The following TRPS1 variants were observed in gnomAD, a reference collection of about 807,000 sequenced individuals.
The protein encoded by TRPS1 is zinc finger transcription factor Trps1.
A neutral mutation model predicts 101.2 loss-of-function variants in TRPS1; 6 were observed. The observed-to-expected ratio is 0.06, with a 90% CI of 0.03 to 0.12. The LOEUF is 0.12. Among genes scored for constraint, TRPS1 ranks in the 10% least tolerant of loss-of-function variants. TRPS1 has a pLI of 1.00. For missense variants in TRPS1, 1,363 were observed against 1,567.0 expected, an observed-to-expected ratio of 0.87 and a Z score of 2.20; for synonymous variants, 578 against 589.8, an observed-to-expected ratio of 0.98 and a Z score of 0.29.
chr8:115,663,721 GAAAA>G (rs1201864123), intron 1 of TRPS1, among the ~76,000 whole-genome samples: 4 of 76,820 alleles, frequency 5.2e-5, no homozygotes, highest in African/African-American at 1.4e-4. Context: ...CTTGGAAAAG[GAAAA>G]AAAAAAAAAA....
At chr8:115,657,368 C>T (rs1010314511) in intron 1 of TRPS1, among the ~76,000 whole-genome samples, 3 of 152,058 alleles carry the variant, frequency 2.0e-5, no homozygotes, top group East Asian at 1.9e-4. Flanking sequence ...TTCTAGTTTG[C>T]GTTACTCCCT....
At position 115,519,157 on chromosome 8, in the gene TRPS1, G is replaced by A. The variant is rs1359972241; in HGVS notation, c.2700+67844C>T. ...TTATTAACTTATAAGTAGTATTTTC[G>A]TGGACAGTAAATTGGACAAGAAAAA... On this transcript the variant is annotated intron_variant, in intron 5 of 6. Transcript: ENST00000395715. Among the ~76,000 whole-genome samples, 4 of 150,706 alleles carry A rather than the reference G, an allele frequency of 2.7e-5. No homozygotes were observed. The Admixed American group carries it at 2.7e-4, about 10-fold the overall frequency.
intron 5 of TRPS1, among the ~76,000 whole-genome samples, chr8:115,505,031 T>G (rs1161683397): frequency 6.6e-6 from 1 of 152,116 alleles, no homozygotes; most frequent in Non-Finnish European, 1.5e-5. Context: ...GGTAAAAATA[T>G]ATCACATCAA....
intron 5 of TRPS1, among the ~76,000 whole-genome samples, chr8:115,575,489 C>G (rs1441420636): frequency 6.6e-6 from 1 of 152,090 alleles, no homozygotes; most frequent in East Asian, 1.9e-4. Context: ...TTATTTTCTT[C>G]TTTTTGCTTG....
chr8:115,473,138 G>C (rs982288660), intron 5 of TRPS1, among the ~76,000 whole-genome samples: 5 of 152,052 alleles, frequency 3.3e-5, no homozygotes, highest in Admixed American at 6.6e-5. Context: ...TACTGTATTA[G>C]TCCATTCTCA....
At chr8:115,581,124 T>C (rs186131477) in intron 5 of TRPS1, among the ~76,000 whole-genome samples, 1 of 152,252 alleles carries the variant, frequency 6.6e-6, no homozygotes, top group African/African-American at 2.4e-5. Context: ...AGGCGAACGT[T>C]ATTTTAAGTG....
intron 1 of TRPS1, among the ~76,000 whole-genome samples, chr8:115,646,059 T>TTTTGAATAGTA (rs1293073788): frequency 2.6e-5 from 4 of 152,172 alleles, no homozygotes; most frequent in Non-Finnish European, 4.4e-5. Context: ...AGAAATACTA[T>TTTTGAATAGTA]TTTGAATAGT....
intron 5 of TRPS1, among the ~76,000 whole-genome samples, chr8:115,439,730 A>G (rs1243167729): frequency 6.6e-6 from 1 of 152,166 alleles, no homozygotes; most frequent in East Asian, 1.9e-4. Flanking sequence ...CCAGAAATGC[A>G]GTGTTATGAC....
chr8:115,569,885 C>T (rs934992323), intron 5 of TRPS1, among the ~76,000 whole-genome samples: 1 of 151,674 alleles, frequency 6.6e-6, no homozygotes, highest in South Asian at 2.1e-4. Context: ...TAAGTTCAAC[C>T]AAAATTGAAC....
chr8:115,456,943 A>G (rs571562751), intron 5 of TRPS1, among the ~76,000 whole-genome samples: 1 of 152,250 alleles, frequency 6.6e-6, no homozygotes, highest in Non-Finnish European at 1.5e-5. Context: ...AGCTTCCACT[A>G]ATGAGAAAAC....
At chr8:115,658,078 C>A (rs1811714416) in intron 1 of TRPS1, among the ~76,000 whole-genome samples, 1 of 151,996 alleles carries the variant, frequency 6.6e-6, no homozygotes, top group African/African-American at 2.4e-5. Flanking sequence ...CAGAATAAGC[C>A]AGAGGAAGCA....
chr8:115,620,254 C>T (rs1818365189), intron 2 of TRPS1, among the ~76,000 whole-genome samples, 194 bp from the exon 3 acceptor site: 1 of 151,386 alleles, frequency 6.6e-6, no homozygotes, highest in Admixed American at 6.6e-5. Context: ...TTTAGAATTA[C>T]TTTTGTAACC....
chr8:115,619,808 G>A lies in TRPS1; in HGVS notation c.290C>T (p.Ala97Val). ...ACTGGGGCTTTCATAATTGAAGCCA[G>A]CCTTCTCACTCAGAACTGCGCTTTT... ...DLKSAVLSEK[A>V]GFNYESPSKG... The change falls in exon 3 of 7, where the codon GCT becomes GTT. Residue 97 changes from alanine to valine, a missense_variant. Coordinates refer to ENST00000395715, the MANE Select transcript of TRPS1 (RefSeq NM_014112.5). The A allele has an allele frequency of 6.2e-7, 1 of 1,614,216 alleles. No individual in the cohort carries two copies. The highest frequency in any genetic ancestry group is 8.5e-7 in the Non-Finnish European group (1 of 1,180,036).
At chr8:115,519,174 C>T (rs1475600728) in intron 5 of TRPS1, among the ~76,000 whole-genome samples, 1 of 149,966 alleles carries the variant, frequency 6.7e-6, no homozygotes, top group Non-Finnish European at 1.5e-5. Context: ...GTAAATTGGA[C>T]AAGAAAAAAA....
Position 115,410,163 on chromosome 8 carries a change from G to C in TRPS1, c.*3860C>G, listed in dbSNP as rs990225351. ...TGTGATGTTTTGCAGCCACACAACA[G>C]GAGGCTAATAATTATTTTAATAGCC... On this transcript the variant is annotated 3_prime_UTR_variant, in exon 7 of 7. Transcript: ENST00000395715. 1 of 151,962 alleles carries C rather than the reference G, an allele frequency of 6.6e-6. No homozygotes were observed. Among genetic ancestry groups the C allele is most frequent in the Non-Finnish European group, 1.5e-5 (1 of 67,964 alleles). 9.4% of individuals were successfully genotyped at this position (151,962 alleles called of 1,614,324 possible).
At chr8:115,487,565 G>A (rs757659514) in intron 5 of TRPS1, among the ~76,000 whole-genome samples, 9 of 152,146 alleles carry the variant, frequency 5.9e-5, no homozygotes, top group Non-Finnish European at 1.2e-4. Flanking sequence ...TTCGTAATTC[G>A]TGGGAGGAGG....
rs143693290 is a variant in TRPS1, at chr8:115,504,644, T to C, written c.2700+82357A>G. Among the ~76,000 whole-genome samples, 8 of 152,294 alleles carry C rather than the reference T, an allele frequency of 5.3e-5. No individual in the cohort carries two copies. The East Asian group carries it at 1.2e-3, about 22-fold the overall frequency. Reference sequence around the variant, plus strand: ...GGTTCAATAGTCTTGTTAAGGGAAATAGTTTTCCTAGCATAAGTCAGGCCA... The same window carrying C: ...GGTTCAATAGTCTTGTTAAGGGAAACAGTTTTCCTAGCATAAGTCAGGCCA... On this transcript the variant is annotated intron_variant, in intron 5 of 6. Coordinates refer to ENST00000395715, the MANE Select transcript of TRPS1 (RefSeq NM_014112.5).
At chr8:115,600,156 T>C (rs2130480298) in intron 4 of TRPS1, among the ~76,000 whole-genome samples, 1 of 152,338 alleles carries the variant, frequency 6.6e-6, no homozygotes, top group Non-Finnish European at 1.5e-5. Context: ...TGCCTGTTCA[T>C]ATAGTCTCAT....
At chr8:115,496,245 T>C (rs945205218) in intron 5 of TRPS1, among the ~76,000 whole-genome samples, 25 of 152,130 alleles carry the variant, frequency 1.6e-4, no homozygotes, top group Admixed American at 1.3e-3. Flanking sequence ...CCGGTACTAA[T>C]TGGCAGAAAC....
Sources: gnomAD v4.1 joint callset for allele counts (sites outside exome capture counted in the v4.1 genomes callset) on GRCh38, gnomAD v4.1.1 for gene constraint, MANE v1.5 for transcripts, NCBI Gene and HGNC (gene_info 2026-07-23, HGNC 2026-07-21) for gene names.